GRIA1: variants seen among roughly 807,000 people sequenced by gnomAD.
GRIA1 encodes glutamate ionotropic receptor AMPA type subunit 1.
In GRIA1, 31 loss-of-function variants were observed where a neutral mutation model predicts 99.2. The ratio of observed to expected loss-of-function variants is 0.31; its 90% CI spans 0.23 to 0.42. The LOEUF is 0.42. Among genes scored for constraint, GRIA1 ranks in the 10% least tolerant of loss-of-function variants. The pLI is 1.00. For missense variants in GRIA1, 782 were observed against 1,157.5 expected (o/e 0.68, Z 4.71); for synonymous variants, 438 against 432.4 (o/e 1.01, Z -0.16).
At chr5:153,501,869 G>C (rs568198592) in intron 2 of GRIA1, among the ~76,000 whole-genome samples, 1 of 152,334 alleles carries the variant, frequency 6.6e-6, no homozygotes, top group African/African-American at 2.4e-5. Flanking sequence ...AACTGGTGAG[G>C]CTGTGTGGAG....
chr5:153,579,366 G>T (rs1762848527), intron 2 of GRIA1, among the ~76,000 whole-genome samples: 1 of 152,204 alleles, frequency 6.6e-6, no homozygotes, highest in Non-Finnish European at 1.5e-5. Flanking sequence ...ACAACAAGCA[G>T]ACTCAAGTGT....
At chr5:153,729,761 C>CA (rs985520316) in intron 11 of GRIA1, among the ~76,000 whole-genome samples, 4 of 152,032 alleles carry the variant, frequency 2.6e-5, no homozygotes, top group African/African-American at 9.7e-5. Flanking sequence ...ACTGTACCAG[C>CA]AAAAATTGAA....
At chr5:153,662,066 A>T (rs535265691) in intron 5 of GRIA1, among the ~76,000 whole-genome samples, 1 of 152,136 alleles carries the variant, frequency 6.6e-6, no homozygotes, top group South Asian at 2.1e-4. Context: ...ATCACTTCTG[A>T]CTCTAATGCC....
intron 2 of GRIA1, among the ~76,000 whole-genome samples, chr5:153,523,626 G>A (rs767989456): frequency 2.2e-4 from 34 of 152,240 alleles, no homozygotes; most frequent in South Asian, 2.1e-4. Flanking sequence ...TTGACACCCT[G>A]TGCAGGTCAG....
intron 13 of GRIA1, among the ~76,000 whole-genome samples, chr5:153,771,010 T>C (rs1179462747): frequency 6.6e-6 from 1 of 152,224 alleles, no homozygotes; most frequent in African/African-American, 2.4e-5. Context: ...TGGACTTTAC[T>C]TTCACGAAAA....
chr5:153,583,148 A>G (rs114552583), intron 2 of GRIA1, among the ~76,000 whole-genome samples: 15,130 of 152,052 alleles, frequency 0.1, 885 homozygotes, highest in South Asian at 0.25. Context: ...GCCCAGACTC[A>G]TTTTGAACTC....
intron 3 of GRIA1, among the ~76,000 whole-genome samples, chr5:153,649,440 T>TTAGTTAG (rs1561727562): frequency 1.6e-3 from 233 of 146,904 alleles, no homozygotes; most frequent in Middle Eastern, 3.4e-3. Flanking sequence ...TATTTATTTA[T>TTAGTTAG]TTAGTTAGTT....
chr5:153,490,818 A>C lies in GRIA1; in HGVS notation c.-71A>C. On this transcript the variant is annotated 5_prime_UTR_variant, in exon 1 of 16. Coordinates refer to ENST00000285900, the MANE Select transcript of GRIA1 (RefSeq NM_000827.4). ...AACAGGCAGAACAGCGAGAAGAATA[A>C]AGGGAAAGGGGGGGAAACACCAAAT... The C allele has an allele frequency of 9.0e-7, 1 of 1,106,438 alleles. No homozygotes were observed. 68.5% of individuals were successfully genotyped at this position (1,106,438 alleles called of 1,614,324 possible).
chr5:153,641,450 C>T (rs1348216965), intron 2 of GRIA1, among the ~76,000 whole-genome samples: 2 of 152,080 alleles, frequency 1.3e-5, no homozygotes, highest in Non-Finnish European at 2.9e-5. Flanking sequence ...ATTGGACAGC[C>T]CACGCCATGC....
At chr5:153,800,339 T>C (rs1377617374) in intron 14 of GRIA1, among the ~76,000 whole-genome samples, 1 of 152,136 alleles carries the variant, frequency 6.6e-6, no homozygotes, top group Non-Finnish European at 1.5e-5. Context: ...AAAGCATTAC[T>C]CTCCAGAGGA....
chr5:153,788,754 C>T (rs890835373), intron 13 of GRIA1, among the ~76,000 whole-genome samples: 5 of 152,192 alleles, frequency 3.3e-5, no homozygotes, highest in Admixed American at 6.5e-5. Flanking sequence ...TAGGACCTCT[C>T]GTGGTGCTAG....
chr5:153,726,163 G>T (rs1380584780), intron 11 of GRIA1, among the ~76,000 whole-genome samples: 1 of 151,724 alleles, frequency 6.6e-6, no homozygotes, highest in Non-Finnish European at 1.5e-5. Flanking sequence ...CAAAATGAAG[G>T]CAGAAATAAA....
chr5:153,511,399 G>T (rs1277367507), intron 2 of GRIA1, among the ~76,000 whole-genome samples: 1 of 152,150 alleles, frequency 6.6e-6, no homozygotes, highest in Non-Finnish European at 1.5e-5. Flanking sequence ...CTCATCTCTG[G>T]ATGGGGATTT....
chr5:153,807,177 G>A lies in GRIA1; in HGVS notation c.2521-3848G>A, dbSNP rs1766488477. Among the ~76,000 whole-genome samples, 2 of 152,178 alleles carry A rather than the reference G, an allele frequency of 1.3e-5. 1 individual carries two copies. Among genetic ancestry groups the A allele is most frequent in the African/African-American group, 4.8e-5 (2 of 41,434 alleles). ...TTCCCCTTTGACATGTCGATGAGCA[G>A]GACAAGTGTCACAGAGATAGTGGGA... On this transcript the variant is annotated intron_variant, in intron 15 of 15. Transcript: ENST00000285900.
intron 11 of GRIA1, among the ~76,000 whole-genome samples, chr5:153,739,883 G>A (rs1228715447): frequency 6.6e-6 from 1 of 152,132 alleles, no homozygotes; most frequent in Non-Finnish European, 1.5e-5. Context: ...GTCAGTATAA[G>A]TCACTGAAAA....
At chr5:153,651,400 C>T (rs1754564917) in intron 4 of GRIA1, among the ~76,000 whole-genome samples, 1 of 151,820 alleles carries the variant, frequency 6.6e-6, no homozygotes, top group Non-Finnish European at 1.5e-5. Flanking sequence ...CTGTGCTTCC[C>T]CTGGTCTCAA....
At chr5:153,542,487 G>A (rs976912686) in intron 2 of GRIA1, among the ~76,000 whole-genome samples, 2 of 152,244 alleles carry the variant, frequency 1.3e-5, no homozygotes, top group Non-Finnish European at 2.9e-5. Flanking sequence ...TGGCTTGACA[G>A]CAGCTGATGG....
chr5:153,651,450 T>C (rs1186201589), intron 4 of GRIA1, among the ~76,000 whole-genome samples: 1 of 152,230 alleles, frequency 6.6e-6, no homozygotes, highest in Non-Finnish European at 1.5e-5. Flanking sequence ...GCAGGATTTT[T>C]TGTAGATTCC....
chr5:153,735,119 A>G (rs1159400166), intron 11 of GRIA1, among the ~76,000 whole-genome samples: 4 of 152,214 alleles, frequency 2.6e-5, no homozygotes, highest in Non-Finnish European at 5.9e-5. Flanking sequence ...TCAAATGTCA[A>G]TAGTTCTTAG....
Sources: gnomAD v4.1 joint callset for allele counts (sites outside exome capture counted in the v4.1 genomes callset) on GRCh38, gnomAD v4.1.1 for gene constraint, MANE v1.5 for transcripts, NCBI Gene and HGNC (gene_info 2026-07-23, HGNC 2026-07-21) for gene names.